The following HOMER1 variants were observed in gnomAD, a reference collection of about 807,000 sequenced individuals.
The protein encoded by HOMER1 is homer protein homolog 1.
A neutral mutation model predicts 48.9 loss-of-function variants in HOMER1; 3 were observed. The observed-to-expected ratio is 0.06, with a 90% confidence interval of 0.03 to 0.16. The LOEUF (loss-of-function observed/expected upper bound fraction) is 0.16, where lower values mean the gene tolerates loss of function less well. HOMER1 is among the 10% of genes least tolerant of loss of function. The probability of loss-of-function intolerance (pLI) is 1.00; values close to 1 mark genes in which losing one functional copy is unlikely to be tolerated. For missense variants in HOMER1, 247 were observed against 411.4 expected, an observed-to-expected ratio of 0.60 and a Z score of 3.46; for synonymous variants, 134 against 146.4, an observed-to-expected ratio of 0.92 and a Z score of 0.61.
intron 5 of HOMER1, among the ~76,000 whole-genome samples, chr5:79,425,716 T>C (rs1750229284): frequency 6.6e-6 from 1 of 152,036 alleles, no homozygotes; most frequent in Non-Finnish European, 1.5e-5. Context: ...TAACATTCCA[T>C]GACATGGTTC....
chr5:79,379,726 T>C lies in HOMER1; in HGVS notation c.877-3529A>G, dbSNP rs112658400. The stretch of plus-strand genomic sequence containing the variant: ...TCCCAAAGTGCTGGGACTACAGACG[T>C]GAGCCACCATGCCCGGCCTTGCCTT... On this transcript the variant is annotated intron_variant, in intron 8 of 8. Coordinates refer to ENST00000334082, the MANE Select transcript of HOMER1 (RefSeq NM_004272.5). Among the ~76,000 whole-genome samples, 852 of 151,744 alleles carry C rather than the reference T, an allele frequency of 5.6e-3. 13 individuals carry two copies. Among genetic ancestry groups the C allele is most frequent in the African/African-American group, 0.02 (808 of 41,332 alleles).
intron 1 of HOMER1, among the ~76,000 whole-genome samples, chr5:79,507,523 C>T (rs185423062): frequency 3.9e-4 from 60 of 152,090 alleles, no homozygotes; most frequent in Admixed American, 7.2e-4. Context: ...CCACGAGATA[C>T]GACCTGAGAT....
At chr5:79,396,059 G>A (rs896989513) in intron 8 of HOMER1, among the ~76,000 whole-genome samples, 3 of 152,110 alleles carry the variant, frequency 2.0e-5, no homozygotes, top group African/African-American at 7.2e-5. Context: ...CGCTGAGGGT[G>A]TAAGAAAACT....
At chr5:79,378,222 CAAAA>C (rs58802660) in intron 8 of HOMER1, among the ~76,000 whole-genome samples, 1 of 85,558 alleles carries the variant, frequency 1.2e-5, no homozygotes. Context: ...GACTCTGTCT[CAAAA>C]AAAAAAAAAA....
At chr5:79,497,546 T>C (rs888790182) in intron 1 of HOMER1, among the ~76,000 whole-genome samples, 6 of 150,858 alleles carry the variant, frequency 4.0e-5, no homozygotes, top group Non-Finnish European at 7.4e-5. Context: ...TCATCTGTAA[T>C]CCCAGCTACT....
chr5:79,506,898 A>G (rs1408114982), intron 1 of HOMER1, among the ~76,000 whole-genome samples: 2 of 151,992 alleles, frequency 1.3e-5, no homozygotes, highest in East Asian at 3.9e-4. Context: ...AAGACCATTG[A>G]ATGATTAGCT....
chr5:79,414,000 C>A (rs1749875024), intron 5 of HOMER1, among the ~76,000 whole-genome samples: 1 of 152,114 alleles, frequency 6.6e-6, no homozygotes, highest in Admixed American at 6.5e-5. Context: ...TGAAAGTCTC[C>A]ATTTGTCAGC....
At chr5:79,499,152 T>C (rs1171860741) in intron 1 of HOMER1, among the ~76,000 whole-genome samples, 6 of 152,044 alleles carry the variant, frequency 3.9e-5, no homozygotes, top group Non-Finnish European at 8.8e-5. Flanking sequence ...ACTTTTAAGC[T>C]CCAGGAAAAA....
intron 5 of HOMER1, among the ~76,000 whole-genome samples, chr5:79,410,759 A>G (rs1749795596): frequency 6.6e-6 from 1 of 152,066 alleles, no homozygotes; most frequent in Non-Finnish European, 1.5e-5. Context: ...CTCCTCCATT[A>G]GACTTACATT....
intron 1 of HOMER1, among the ~76,000 whole-genome samples, chr5:79,491,896 C>T (rs376595405): frequency 5.3e-5 from 8 of 152,294 alleles, no homozygotes; most frequent in African/African-American, 1.4e-4. Flanking sequence ...CTGAGACACA[C>T]AAAACCTAAG....
intron 5 of HOMER1, among the ~76,000 whole-genome samples, chr5:79,420,393 T>G (rs1421956667): frequency 1.3e-5 from 2 of 152,062 alleles, no homozygotes; most frequent in Non-Finnish European, 2.9e-5. Flanking sequence ...AAGCGCTCCT[T>G]CCCCACTTCA....
At chr5:79,416,507 C>G (rs1749947291) in intron 5 of HOMER1, among the ~76,000 whole-genome samples, 1 of 152,206 alleles carries the variant, frequency 6.6e-6, no homozygotes, top group Non-Finnish European at 1.5e-5. Flanking sequence ...AATGGAGAGT[C>G]CCATAAGAGG....
chr5:79,430,933 A>C (rs541227238), intron 5 of HOMER1, among the ~76,000 whole-genome samples: 20 of 152,114 alleles, frequency 1.3e-4, no homozygotes, highest in African/African-American at 4.6e-4. Flanking sequence ...AAAAAATAAA[A>C]ATAAAAAAAA....
intron 1 of HOMER1, among the ~76,000 whole-genome samples, chr5:79,476,529 G>A (rs1171142133): frequency 1.3e-5 from 2 of 152,196 alleles, no homozygotes; most frequent in East Asian, 3.8e-4. Context: ...AACTGGCTTT[G>A]AGTTGGGGTT....
At chr5:79,436,049 C>G (rs10155605) in intron 5 of HOMER1, among the ~76,000 whole-genome samples, 39,236 of 150,128 alleles carry the variant, frequency 0.26, 5,189 homozygotes, top group South Asian at 0.37. Flanking sequence ...TGGCGTGAAC[C>G]CGGGAAGCGG....
intron 1 of HOMER1, among the ~76,000 whole-genome samples, chr5:79,475,415 T>A (rs1362390199): frequency 6.7e-6 from 1 of 149,658 alleles, no homozygotes; most frequent in Non-Finnish European, 1.5e-5. Context: ...GCTGAAAAAA[T>A]TAAATTCTTA....
At chr5:79,416,437 C>T (rs1430068401) in intron 5 of HOMER1, among the ~76,000 whole-genome samples, 1 of 152,156 alleles carries the variant, frequency 6.6e-6, no homozygotes, top group African/African-American at 2.4e-5. Context: ...TGCATAGTTT[C>T]CCATTTGATT....
At chr5:79,433,307 G>C (rs1317378962) in intron 5 of HOMER1, among the ~76,000 whole-genome samples, 1 of 152,128 alleles carries the variant, frequency 6.6e-6, no homozygotes, top group African/African-American at 2.4e-5. Context: ...GCTCACACCT[G>C]TCATCTCCTT....
intron 5 of HOMER1, among the ~76,000 whole-genome samples, chr5:79,411,376 C>T (rs1749810638): frequency 6.6e-6 from 1 of 151,892 alleles, no homozygotes. Flanking sequence ...TCCCAGCTAC[C>T]TGTGGGACTA....
Sources: gnomAD v4.1 joint callset for allele counts (sites outside exome capture counted in the v4.1 genomes callset) on GRCh38, gnomAD v4.1.1 for gene constraint, MANE v1.5 for transcripts, NCBI Gene and HGNC (gene_info 2026-07-23, HGNC 2026-07-21) for gene names.